SQLE: variants seen among roughly 807,000 people sequenced by gnomAD.
SQLE encodes the protein squalene monooxygenase.
In SQLE, 29 loss-of-function variants were observed where a neutral mutation model predicts 60.7. The observed-to-expected ratio is 0.48, with a 90% CI of 0.36 to 0.65. The LOEUF is 0.65. Among genes scored for constraint, SQLE ranks in the 30% least tolerant of loss-of-function variants. SQLE has a pLI of 0.00. For missense variants in SQLE, 605 were observed against 684.1 expected (o/e 0.88, Z 1.29); for synonymous variants, 237 against 246.8 (o/e 0.96, Z 0.37).
At chr8:125,003,565 T>C in intron 2 of SQLE, 137 bp downstream of exon 2, 2 of 1,094,212 alleles carry the variant, frequency 1.8e-6, no homozygotes, top group Non-Finnish European at 2.6e-6. Flanking sequence ...ACCAACAAAT[T>C]TGCATGAAAG....
In SQLE at chr8:125,007,498, C is replaced by T. The variant is rs540874270; in HGVS notation, c.822+11C>T. On this transcript the variant is annotated intron_variant, in intron 4 of 10. Transcript: ENST00000265896. Reference sequence around the variant, plus strand: ...ACTGGAGATATCAAGGTGAGAAATACCAAATGTCACCTCTTCCTAAGAGAT... The same window carrying T: ...ACTGGAGATATCAAGGTGAGAAATATCAAATGTCACCTCTTCCTAAGAGAT... The T allele has an allele frequency of 9.4e-5, 139 of 1,486,586 alleles. 2 individuals are homozygous for T. In the East Asian group the frequency reaches 3.1e-3, roughly 33 times the overall value. The allele number at this position is 1,486,586 out of a possible 1,614,324, so 92.1% of individuals were successfully genotyped here.
intron 1 of SQLE, 60 bp downstream of exon 1, chr8:124,999,754 T>A (rs1463992924): frequency 2.0e-6 from 3 of 1,501,590 alleles, no homozygotes; most frequent in Non-Finnish European, 2.7e-6. Flanking sequence ...TTGGGTTCAC[T>A]CAAATATAAG....
intron 2 of SQLE, among the ~76,000 whole-genome samples, chr8:125,004,333 C>A (rs1382070600): frequency 5.9e-5 from 9 of 152,050 alleles, no homozygotes. Context: ...TTGCATGTAA[C>A]TTTAAAGATT....
intron 3 of SQLE, among the ~76,000 whole-genome samples, chr8:125,006,391 T>C (rs1031832754): frequency 1.3e-5 from 2 of 151,808 alleles, no homozygotes; most frequent in Non-Finnish European, 2.9e-5. Flanking sequence ...GAGGCTGAGG[T>C]GGGCAGATCA....
chr8:125,003,100 G>C, intron 1 of SQLE, 76 bp from the exon 2 acceptor site: 4 of 1,412,156 alleles, frequency 2.8e-6, no homozygotes, highest in Non-Finnish European at 2.8e-6. Flanking sequence ...CAAAAGTCCA[G>C]TGTGTCCACA....
chr8:124,999,212 A>C lies in SQLE; in HGVS notation c.-192A>C, dbSNP rs1814799472. 1 of 482,904 alleles carries C rather than the reference A, an allele frequency of 2.1e-6. No individual in the cohort carries two copies. Among genetic ancestry groups the C allele is most frequent in the East Asian group, 3.5e-5 (1 of 28,406 alleles). 29.9% of individuals were successfully genotyped at this position (482,904 alleles called of 1,614,324 possible). A position where few individuals can be genotyped will look rare whatever the true frequency, so the allele number is the denominator to read the frequency against. On this transcript the variant is annotated 5_prime_UTR_variant, in exon 1 of 11. Coordinates refer to ENST00000265896, the MANE Select transcript of SQLE (RefSeq NM_003129.4). Reference sequence around the variant, plus strand: ...TCTACGCCCTATACAACTTGGCTTCACATACTTTTACACTAACTTTATATG... The same window carrying C: ...TCTACGCCCTATACAACTTGGCTTCCCATACTTTTACACTAACTTTATATG...
chr8:125,009,220 C>T lies in SQLE; in HGVS notation c.985C>T (p.Pro329Ser), dbSNP rs772917271. The T allele has an allele frequency of 6.7e-5, 108 of 1,613,518 alleles. No homozygotes were observed. Among genetic ancestry groups the T allele is most frequent in the Non-Finnish European group, 8.6e-5 (102 of 1,179,778 alleles). Residue 329 changes from proline (P) to serine (S), a missense_variant, in exon 6 of 11, where the codon CCG becomes TCG. Pro to Ser is a moderately conservative substitution (Grantham distance 74, BLOSUM62 -1). Coordinates refer to ENST00000265896, the MANE Select transcript of SQLE (RefSeq NM_003129.4). ...TCATGCTGAACTTATTTTAGCTAAC[C>T]CGAGTCCAGTTCTCATCTACCAGAT... ...ANHAELILAN[P>S]SPVLIYQISS...
Position 125,018,199 on chromosome 8 carries a change from G to C in SQLE, c.1345G>C (p.Glu449Gln), listed in dbSNP as rs200005717. The C allele has an allele frequency of 6.8e-6, 11 of 1,607,892 alleles. No individual in the cohort carries two copies. Among genetic ancestry groups the C allele is most frequent in the Non-Finnish European group, 9.3e-6 (11 of 1,178,400 alleles). Residue 449 changes from glutamate (E) to glutamine (Q), a missense_variant and splice_region_variant, in exon 8 of 11, where the codon GAG becomes CAG. Glu to Gln is a conservative substitution (Grantham distance 29). Coordinates refer to ENST00000265896, the MANE Select transcript of SQLE (RefSeq NM_003129.4). The part of the protein sequence containing the change: ...PDLYDDAAIF[E>Q]AKKSFYWARK... The stretch of plus-strand genomic sequence containing the variant: ...CCTTTATGATGATGCAGCTATTTTC[G>C]AGGTAAGATCAATTATTTTGACAAA...
At chr8:125,007,577 T>G in intron 4 of SQLE, 90 bp downstream of exon 4, 3 of 766,524 alleles carry the variant, frequency 3.9e-6, no homozygotes, top group Admixed American at 2.9e-5. Context: ...CTTACCGGTT[T>G]ACATGTTGAG....
intron 2 of SQLE, among the ~76,000 whole-genome samples, chr8:125,004,290 CCT>C (rs1814911648): frequency 6.6e-6 from 1 of 152,034 alleles, no homozygotes; most frequent in African/African-American, 2.4e-5. Context: ...TTTCAGTTAT[CCT>C]TTTTTAGGTA....
intron 7 of SQLE, 132 bp downstream of exon 7, chr8:125,011,764 C>A: frequency 1.4e-6 from 1 of 736,410 alleles, no homozygotes; most frequent in Non-Finnish European, 2.2e-6. Flanking sequence ...TTATTAATAC[C>A]AAAATTAGTT....
At chr8:124,999,727 C>T (rs1384616411) in intron 1 of SQLE, 33 bp downstream of exon 1, 2 of 1,537,094 alleles carry the variant, frequency 1.3e-6, no homozygotes, top group South Asian at 2.6e-5. Flanking sequence ...AGATGAATGT[C>T]TTATTTAGGA....
chr8:125,008,917 T>C (rs919493492), intron 4 of SQLE, 54 bp from the exon 5 acceptor site: 14 of 1,305,754 alleles, frequency 1.1e-5, no homozygotes, highest in Non-Finnish European at 1.4e-5. Flanking sequence ...AGAATGGCTT[T>C]TTTTACTGTG....
At position 124,998,886 on chromosome 8, in the gene SQLE, C is replaced by T. The variant is rs932871042; in HGVS notation, c.-518C>T. 10 of 382,812 alleles carry T rather than the reference C, an allele frequency of 2.6e-5. No homozygotes were observed. The highest frequency in any genetic ancestry group is 4.6e-5 in the Non-Finnish European group (10 of 215,228). The allele number at this position is 382,812 out of a possible 1,614,324, so 23.7% of individuals were successfully genotyped here. A position where few individuals can be genotyped will look rare whatever the true frequency, so the allele number is the denominator to read the frequency against. Reference sequence around the variant, plus strand: ...AAGCCTCTGAACCCGCGCCGGCCCGCAGCCCCCGTGCCTTCCGGCCGCTGC... The same window carrying T: ...AAGCCTCTGAACCCGCGCCGGCCCGTAGCCCCCGTGCCTTCCGGCCGCTGC... On this transcript the variant is annotated 5_prime_UTR_variant, in exon 1 of 11. Coordinates refer to ENST00000265896, the MANE Select transcript of SQLE (RefSeq NM_003129.4).
In SQLE at chr8:124,999,249, C is replaced by T. The variant is rs1814800155; in HGVS notation, c.-155C>T. 1 of 609,242 alleles carries T rather than the reference C, an allele frequency of 1.6e-6. No individual in the cohort carries two copies. Among genetic ancestry groups the T allele is most frequent in the Non-Finnish European group, 2.4e-6 (1 of 412,100 alleles). 37.7% of individuals were successfully genotyped at this position (609,242 alleles called of 1,614,324 possible). A position where few individuals can be genotyped will look rare whatever the true frequency, so the allele number is the denominator to read the frequency against. ...ACTAACTTTATATGATTTTTAAAAA[C>T]TGGTCTGATCGGACTTCTCGTCCTG... On this transcript the variant is annotated 5_prime_UTR_variant, in exon 1 of 11. Transcript: ENST00000265896.
At chr8:125,007,204 CTAATGTAATCATTAG>C (rs1295076812) in intron 3 of SQLE, among the ~76,000 whole-genome samples, 172 bp from the exon 4 acceptor site, 18 of 151,934 alleles carry the variant, frequency 1.2e-4, no homozygotes, top group Middle Eastern at 3.4e-3. Context: ...CTAATGATTA[CTAATGTAATCATTAG>C]TAATATGTAT....
At chr8:125,010,202 G>A (rs1815017817) in intron 6 of SQLE, among the ~76,000 whole-genome samples, 1 of 152,206 alleles carries the variant, frequency 6.6e-6, no homozygotes, top group Non-Finnish European at 1.5e-5. Context: ...GACATGTCCT[G>A]TCCGCAGAAT....
At chr8:125,017,831 T>C (rs2129908055) in intron 7 of SQLE, 1 of 532,516 alleles carries the variant, frequency 1.9e-6, no homozygotes, top group African/African-American at 1.9e-5. Flanking sequence ...GGCCACACTC[T>C]TGTTATTACC....
chr8:125,009,937 A>G (rs926512086), intron 6 of SQLE, among the ~76,000 whole-genome samples: 1 of 152,192 alleles, frequency 6.6e-6, no homozygotes, highest in African/African-American at 2.4e-5. Flanking sequence ...TTATACCTAA[A>G]TATTTTTGTG....
Sources: allele counts gnomAD v4.1 joint callset (sites outside exome capture counted in the v4.1 genomes callset), GRCh38; gene constraint gnomAD v4.1.1; transcripts MANE v1.5; gene names NCBI Gene and HGNC (gene_info 2026-07-23, HGNC 2026-07-21).